Variants in SRD5A1 observed in about 807,000 individuals in gnomAD.
SRD5A1 encodes 3-oxo-5-alpha-steroid 4-dehydrogenase 1.
A neutral mutation model predicts 28.2 loss-of-function variants in SRD5A1; 22 were observed. The ratio of observed to expected loss-of-function variants is 0.78; its 90% CI spans 0.56 to 1.12. The LOEUF is 1.12. Ranked by LOEUF, SRD5A1 falls within the 50% of genes most tolerant of loss-of-function variation. The pLI is 0.00. For synonymous variants in SRD5A1, 151 were observed against 135.0 expected (o/e 1.12, Z -0.82); for missense variants, 300 against 346.7 (o/e 0.87, Z 1.07).
In SRD5A1 at chr5:6,639,659, A is replaced by C. The variant is rs8192154; in HGVS notation, c.293+5790A>C. ...TTTGCTTGTTTATTAATTTCGCCTG[A>C]TTTTCTCCAAGCCTTTTTAGGAAAT... is the stretch of plus-strand genomic sequence containing the variant. On this transcript the variant is annotated intron_variant, in intron 1 of 4. Transcript: ENST00000274192. Among the ~76,000 whole-genome samples, 651 of 152,184 alleles carry C rather than the reference A, an allele frequency of 4.3e-3. 3 individuals carry two copies. Among genetic ancestry groups the C allele is most frequent in the African/African-American group, 0.015 (620 of 41,508 alleles).
intron 1 of SRD5A1, among the ~76,000 whole-genome samples, chr5:6,639,392 A>T (rs1738293291): frequency 6.6e-6 from 1 of 152,192 alleles, no homozygotes; most frequent in Admixed American, 6.5e-5. Flanking sequence ...ACTTGGGTTT[A>T]TACTGTATGG....
Position 6,652,873 on chromosome 5 carries a change from C to CAA in SRD5A1, c.460+884_460+885dup, listed in dbSNP as rs11343625. Among the ~76,000 whole-genome samples the CAA allele has an allele frequency of 4.8e-3, 452 of 95,070 alleles. 4 individuals carry two copies. Among genetic ancestry groups the CAA allele is most frequent in the African/African-American group, 0.015 (367 of 24,434 alleles). The allele number at this position is 95,070 out of a possible 152,430, so 62.4% of individuals were successfully genotyped here. On this transcript the variant is annotated intron_variant, in intron 2 of 4. Coordinates refer to ENST00000274192, the MANE Select transcript of SRD5A1 (RefSeq NM_001047.4). ...TGGGTGACAGAGTGAGACTCTGTCT[C>CAA]AAAAAAAAAAAAAAAAAAAACTCAG...
At position 6,669,177 on chromosome 5, in the gene SRD5A1, C is replaced by G. The variant is rs918971738; in HGVS notation, c.*909C>G. 2.0e-5 allele frequency: 3 copies of G among 152,210 alleles called. No individual in the cohort carries two copies. Among genetic ancestry groups the G allele is most frequent in the African/African-American group, 7.2e-5 (3 of 41,448 alleles). 9.4% of individuals were successfully genotyped at this position (152,210 alleles called of 1,614,324 possible). A position where few individuals can be genotyped will look rare whatever the true frequency, so the allele number is the denominator to read the frequency against. On this transcript the variant is annotated 3_prime_UTR_variant, in exon 5 of 5. Transcript: ENST00000274192. ...TTTCCCTTGTAGTGTAAAGAATGAT[C>G]ACTTTCTGTAACAATAACAAGACCA...
chr5:6,652,650 T>G (rs1278903157), intron 2 of SRD5A1, among the ~76,000 whole-genome samples: 2 of 152,028 alleles, frequency 1.3e-5, no homozygotes, highest in Non-Finnish European at 2.9e-5. Context: ...GGTGGGCAGA[T>G]GACTTGAATC....
intron 3 of SRD5A1, 83 bp from the exon 4 acceptor site, chr5:6,662,733 C>T: frequency 6.9e-7 from 1 of 1,440,760 alleles, no homozygotes. Flanking sequence ...TTTATGTTCT[C>T]CAGGTAAGTA....
chr5:6,643,330 A>C (rs564283072), intron 1 of SRD5A1, among the ~76,000 whole-genome samples: 1 of 152,000 alleles, frequency 6.6e-6, no homozygotes, highest in African/African-American at 2.4e-5. Flanking sequence ...TTGAGACAGG[A>C]TCTCACTCTG....
At chr5:6,647,721 A>G (rs946810256) in intron 1 of SRD5A1, among the ~76,000 whole-genome samples, 1 of 151,974 alleles carries the variant, frequency 6.6e-6, no homozygotes, top group African/African-American at 2.4e-5. Flanking sequence ...CTCTTTATCC[A>G]GTTTGCCAGT....
At chr5:6,641,269 A>T (rs915094609) in intron 1 of SRD5A1, among the ~76,000 whole-genome samples, 10 of 152,170 alleles carry the variant, frequency 6.6e-5, no homozygotes, top group African/African-American at 2.4e-4. Flanking sequence ...ATGCCCAGAC[A>T]CCTTCTTCCC....
chr5:6,653,145 T>C (rs1032469486), intron 2 of SRD5A1, among the ~76,000 whole-genome samples: 4 of 152,198 alleles, frequency 2.6e-5, no homozygotes, highest in Non-Finnish European at 5.9e-5. Flanking sequence ...ACTTGGATAG[T>C]ACTTTGTTGC....
chr5:6,638,088 C>T (rs995609860), intron 1 of SRD5A1, among the ~76,000 whole-genome samples: 1 of 152,162 alleles, frequency 6.6e-6, no homozygotes, highest in South Asian at 2.1e-4. Flanking sequence ...CCTGTAATCC[C>T]AGCACGCTGG....
In SRD5A1 at chr5:6,633,686, T is replaced by G; in HGVS notation, c.110T>G (p.Val37Gly). ...GCGCGCAATCGTCAGACGAACTCAG[T>G]GTACGGCCGCCACGCGCTGCCCAGC... Reference protein sequence around the residue: ...VFARNRQTNSVYGRHALPSHR... With the variant: ...VFARNRQTNSGYGRHALPSHR... Residue 37 changes from valine (V) to glycine (G), a missense_variant, in exon 1 of 5, where the codon GTG becomes GGG. Transcript: ENST00000274192. The G allele has an allele frequency of 6.3e-7, 1 of 1,586,966 alleles. No homozygotes were observed. The highest frequency in any genetic ancestry group is 8.5e-7 in the Non-Finnish European group (1 of 1,174,292).
intron 1 of SRD5A1, among the ~76,000 whole-genome samples, chr5:6,649,208 A>T (rs563113831): frequency 1.3e-5 from 2 of 152,256 alleles, no homozygotes; most frequent in South Asian, 4.1e-4. Flanking sequence ...GGGGTCAGGG[A>T]CCCACTTGAG....
chr5:6,645,107 CAT>C (rs1314545887), intron 1 of SRD5A1: 1 of 411,598 alleles, frequency 2.4e-6, no homozygotes, highest in African/African-American at 2.0e-5. Context: ...GCTTTTGACT[CAT>C]GTGAATGTCT....
chr5:6,671,460 T>C lies in SRD5A1; in HGVS notation c.*3192T>C, dbSNP rs904194933. ...ATTTTCTCCCACTCTGTGCGTTGTC[T>C]GTTTACTCTGCTGACTGTTGCTTTT... is the stretch of plus-strand genomic sequence containing the variant. On this transcript the variant is annotated 3_prime_UTR_variant, in exon 5 of 5. Transcript: ENST00000274192. 1 of 152,268 alleles carries C rather than the reference T, an allele frequency of 6.6e-6. No homozygotes were observed. The highest frequency in any genetic ancestry group is 2.4e-5 in the African/African-American group (1 of 41,468). 9.4% of individuals were successfully genotyped at this position (152,268 alleles called of 1,614,324 possible).
intron 1 of SRD5A1, among the ~76,000 whole-genome samples, chr5:6,643,617 G>GTGC (rs1323266525): frequency 6.6e-6 from 1 of 152,118 alleles, no homozygotes; most frequent in African/African-American, 2.4e-5. Context: ...ACTGTTGAGG[G>GTGC]TGCTCCCAGT....
intron 1 of SRD5A1, among the ~76,000 whole-genome samples, chr5:6,642,114 A>G (rs1238134301): frequency 6.6e-6 from 1 of 152,264 alleles, no homozygotes; most frequent in East Asian, 1.9e-4. Flanking sequence ...TATATGTCTA[A>G]TGAGAAGAAT....
rs1284966445 is a variant in SRD5A1 at position 6,633,671 on chromosome 5, G to A, written c.95G>A (p.Arg32His). The part of the protein sequence containing the change: ...AVGCAVFARN[R>H]QTNSVYGRHA... ...GGCTGCGCGGTCTTCGCGCGCAATC[G>A]TCAGACGAACTCAGTGTACGGCCGC... The change falls in exon 1 of 5, where the codon CGT becomes CAT. Residue 32 changes from arginine (R) to histidine (H), a missense_variant. Physicochemically the swap from Arg to His is conservative, Grantham distance 29. This residue lies in a region of SRD5A1 where 174 missense variants were observed against 160.9 expected (regional missense o/e 1.08). Transcript: ENST00000274192. 2 of 1,583,994 alleles carry A rather than the reference G, an allele frequency of 1.3e-6. No homozygotes were observed. The highest frequency in any genetic ancestry group is 2.3e-5 in the East Asian group (1 of 44,042).
chr5:6,650,846 A>T (rs957379908), intron 1 of SRD5A1, among the ~76,000 whole-genome samples: 1 of 120,512 alleles, frequency 8.3e-6, no homozygotes, highest in Admixed American at 1.1e-4. Flanking sequence ...TCCTGTGTCC[A>T]TGTGATCTCA....
At chr5:6,660,559 T>C (rs1435273672) in intron 3 of SRD5A1, among the ~76,000 whole-genome samples, 2 of 152,240 alleles carry the variant, frequency 1.3e-5, no homozygotes, top group East Asian at 3.8e-4. Context: ...AAAGTGAAAG[T>C]GACTAAGCTC....
Sources: allele counts gnomAD v4.1 joint callset (sites outside exome capture counted in the v4.1 genomes callset), GRCh38; gene constraint gnomAD v4.1.1; regional missense constraint gnomAD v4.1.1; transcripts MANE v1.5; gene names NCBI Gene and HGNC (gene_info 2026-07-23, HGNC 2026-07-21).